CAMK4: variants seen among roughly 807,000 people sequenced by gnomAD.
CAMK4 encodes the protein calcium/calmodulin-dependent protein kinase type IV.
Under a neutral mutation model 44.9 loss-of-function variants are expected in CAMK4, and 22 were observed. The ratio of observed to expected loss-of-function variants is 0.49; its 90% CI spans 0.35 to 0.70. The LOEUF (loss-of-function observed/expected upper bound fraction) is 0.70. Ranked by LOEUF, CAMK4 falls within the 30% of genes least tolerant of loss-of-function variation. CAMK4 has a pLI of 0.01. For synonymous variants in CAMK4, 218 were observed against 215.4 expected (o/e 1.01, Z -0.11); for missense variants, 498 against 586.8 (o/e 0.85, Z 1.56).
chr5:111,345,361 G>T (rs1326950566), intron 2 of CAMK4, among the ~76,000 whole-genome samples: 1 of 151,892 alleles, frequency 6.6e-6, no homozygotes, highest in East Asian at 1.9e-4. Flanking sequence ...AGAGGAATCT[G>T]TTGATTGATA....
chr5:111,461,813 T>TAA (rs3066731), intron 7 of CAMK4, among the ~76,000 whole-genome samples: 7,827 of 69,066 alleles, frequency 0.11, 1,175 homozygotes, highest in African/African-American at 0.29. Flanking sequence ...GCCTCTATAG[T>TAA]AAAAAAAAAA....
chr5:111,433,969 G>C (rs376016798), intron 5 of CAMK4, among the ~76,000 whole-genome samples: 11 of 152,142 alleles, frequency 7.2e-5, no homozygotes, highest in African/African-American at 1.9e-4. Flanking sequence ...AGATGACCTG[G>C]TGTTTGGATA....
At chr5:111,229,648 C>G (rs1390512328) in intron 1 of CAMK4, among the ~76,000 whole-genome samples, 4 of 152,206 alleles carry the variant, frequency 2.6e-5, no homozygotes, top group African/African-American at 7.2e-5. Context: ...GCCCCATGGC[C>G]TATCTGGGTA....
intron 1 of CAMK4, among the ~76,000 whole-genome samples, chr5:111,239,035 C>T (rs780291834): frequency 2.0e-4 from 30 of 151,590 alleles, no homozygotes; most frequent in Admixed American, 3.3e-4. Flanking sequence ...GCAGCTGGCA[C>T]GGGATTTTTT....
At chr5:111,335,716 A>G (rs1245909007) in intron 1 of CAMK4, among the ~76,000 whole-genome samples, 5 of 151,414 alleles carry the variant, frequency 3.3e-5, no homozygotes, top group African/African-American at 1.2e-4. Flanking sequence ...CCCTCCATCC[A>G]TAAGTTTGGC....
intron 1 of CAMK4, among the ~76,000 whole-genome samples, chr5:111,329,790 T>TA (rs1561416436): frequency 6.6e-6 from 1 of 151,514 alleles, no homozygotes; most frequent in Non-Finnish European, 1.5e-5. Flanking sequence ...CATTCATAAT[T>TA]AAAAAAAGAA....
chr5:111,387,282 A>G lies in CAMK4; in HGVS notation c.387-7428A>G, dbSNP rs1751637795. ...TGAGTATATTTCGTATAAAGCTATA[A>G]AACCTTGAGTCTCTACCCATGGTTC... On this transcript the variant is annotated intron_variant, in intron 4 of 10. Transcript: ENST00000282356. Among the ~76,000 whole-genome samples the G allele has an allele frequency of 2.0e-5, 3 of 152,288 alleles. No homozygotes were observed. The East Asian group carries it at 5.8e-4, about 29-fold the overall frequency.
chr5:111,413,514 T>G (rs1262633079), intron 5 of CAMK4, among the ~76,000 whole-genome samples: 1 of 151,600 alleles, frequency 6.6e-6, no homozygotes, highest in Non-Finnish European at 1.5e-5. Context: ...GAGGTGGAGG[T>G]TGCAGTGAGC....
At chr5:111,267,731 A>T (rs894292166) in intron 1 of CAMK4, among the ~76,000 whole-genome samples, 38 of 148,822 alleles carry the variant, frequency 2.6e-4, no homozygotes, top group African/African-American at 9.1e-4. Context: ...AAAAAAAAGA[A>T]TCTTCATTCT....
chr5:111,349,460 C>G (rs932372423), intron 2 of CAMK4, among the ~76,000 whole-genome samples: 2 of 151,778 alleles, frequency 1.3e-5, no homozygotes, highest in African/African-American at 4.8e-5. Flanking sequence ...TGGGGACAAC[C>G]AGTGTTTTAT....
At chr5:111,256,989 C>T (rs1159786398) in intron 1 of CAMK4, among the ~76,000 whole-genome samples, 1 of 152,028 alleles carries the variant, frequency 6.6e-6, no homozygotes, top group Non-Finnish European at 1.5e-5. Context: ...ACACCTTATA[C>T]AAAAATTAAC....
chr5:111,476,215 A>G (rs937599592), intron 8 of CAMK4, among the ~76,000 whole-genome samples: 15 of 149,622 alleles, frequency 1.0e-4, no homozygotes, highest in Non-Finnish European at 1.8e-4. Flanking sequence ...CTACTGCTGC[A>G]TTTTAACTTC....
At chr5:111,252,693 G>T (rs528686173) in intron 1 of CAMK4, among the ~76,000 whole-genome samples, 2 of 152,126 alleles carry the variant, frequency 1.3e-5, no homozygotes, top group East Asian at 1.9e-4. Flanking sequence ...TTAACCAAAA[G>T]AACTTGTAAG....
rs182085822 is a variant in CAMK4, at chr5:111,290,151, A to T, written c.162-53873A>T. Reference sequence around the variant, plus strand: ...ATATATGCCATTGGTTCAACACATAAACCCTGTTTTGGAGTATAGACGCCT... The same window carrying T: ...ATATATGCCATTGGTTCAACACATATACCCTGTTTTGGAGTATAGACGCCT... On this transcript the variant is annotated intron_variant, in intron 1 of 10. Transcript: ENST00000282356. The surrounding 1 kb of genome is among the most constrained non-coding windows in gnomAD (Gnocchi z 4.5). Among the ~76,000 whole-genome samples, 1 of 152,258 alleles carries T rather than the reference A, an allele frequency of 6.6e-6. No individual in the cohort carries two copies. The highest frequency in any genetic ancestry group is 1.9e-4 in the East Asian group (1 of 5,166).
chr5:111,374,742 G>T, intron 2 of CAMK4, 108 bp from the exon 3 acceptor site: 1 of 702,406 alleles, frequency 1.4e-6, no homozygotes. Context: ...AAGGAATTAG[G>T]CTCTGCGAAT....
chr5:111,435,091 G>C (rs905012563), intron 5 of CAMK4, among the ~76,000 whole-genome samples: 4 of 152,170 alleles, frequency 2.6e-5, no homozygotes, highest in Admixed American at 6.5e-5. Flanking sequence ...CCTGAATTCA[G>C]AGCAGCAGTC....
Position 111,492,068 on chromosome 5 carries a change from A to T in CAMK4, c.*7602A>T, listed in dbSNP as rs1187683167. The T allele has an allele frequency of 6.6e-6, 1 of 152,280 alleles. No individual in the cohort carries two copies. Among genetic ancestry groups the T allele is most frequent in the East Asian group, 1.9e-4 (1 of 5,182 alleles). The allele number at this position is 152,280 out of a possible 1,614,324, so 9.4% of individuals were successfully genotyped here. A position where few individuals can be genotyped will look rare whatever the true frequency, so the allele number is the denominator to read the frequency against. On this transcript the variant is annotated 3_prime_UTR_variant, in exon 11 of 11. Coordinates refer to ENST00000282356, the MANE Select transcript of CAMK4 (RefSeq NM_001744.6). ...GTTTGCTTTCCTTACATATTTAGAA[A>T]TCCAAGAAGGGCCCTTGTCTTAGTC...
chr5:111,344,223 T>C, intron 2 of CAMK4, 121 bp downstream of exon 2: 1 of 579,524 alleles, frequency 1.7e-6, no homozygotes, highest in Non-Finnish European at 3.0e-6. Flanking sequence ...CATTTGACTC[T>C]TGATTACGGG....
At chr5:111,246,279 C>G (rs917058232) in intron 1 of CAMK4, among the ~76,000 whole-genome samples, 1 of 152,234 alleles carries the variant, frequency 6.6e-6, no homozygotes, top group Non-Finnish European at 1.5e-5. Flanking sequence ...CCTGCCCAGT[C>G]TGTCTACCCC....
Sources: gnomAD v4.1 joint callset for allele counts (sites outside exome capture counted in the v4.1 genomes callset) on GRCh38, gnomAD v4.1.1 for gene constraint, Gnocchi (gnomAD v3.1) non-coding constraint, MANE v1.5 for transcripts, NCBI Gene and HGNC (gene_info 2026-07-23, HGNC 2026-07-21) for gene names.